Variants in CNTN5 observed in about 807,000 individuals in gnomAD.
CNTN5 encodes the protein contactin-5.
Under a neutral mutation model 129.1 loss-of-function variants are expected in CNTN5, and 77 were observed. The ratio of observed to expected loss-of-function variants is 0.60; its 90% CI spans 0.50 to 0.72. The LOEUF is 0.72. CNTN5 is among the 30% of genes least tolerant of loss of function. CNTN5 has a pLI of 0.00. For synonymous variants in CNTN5, 509 were observed against 465.6 expected (o/e 1.09, Z -1.20); for missense variants, 1,478 against 1,328.8 (o/e 1.11, Z -1.75).
chr11:99,530,181 C>T (rs997280321), intron 2 of CNTN5, among the ~76,000 whole-genome samples: 13 of 152,166 alleles, frequency 8.5e-5, no homozygotes, highest in African/African-American at 2.7e-4. Flanking sequence ...TCAGTATGAT[C>T]TTCAGATACC....
At chr11:99,785,649 C>A (rs1945493619) in intron 3 of CNTN5, among the ~76,000 whole-genome samples, 1 of 152,080 alleles carries the variant, frequency 6.6e-6, no homozygotes, top group African/African-American at 2.4e-5. Context: ...TATCCACCAC[C>A]ACCTTATCAA....
At position 100,299,074 on chromosome 11, in the gene CNTN5, T is replaced by A; in HGVS notation, c.2386-88T>A. The A allele has an allele frequency of 1.0e-5, 8 of 789,862 alleles. No individual in the cohort carries two copies. In the South Asian group the frequency reaches 1.6e-4, roughly 16 times the overall value. The allele number at this position is 789,862 out of a possible 1,614,324, so 48.9% of individuals were successfully genotyped here. The stretch of plus-strand genomic sequence containing the variant: ...TTGAGATTCTCCCTTTCTCTAGCTA[T>A]CTATAATTTTTTTTAATTAAGAATT... On this transcript the variant is annotated intron_variant, in intron 19 of 24. Transcript: ENST00000524871.
At chr11:99,214,440 T>C (rs1860016085) in intron 1 of CNTN5, among the ~76,000 whole-genome samples, 1 of 147,298 alleles carries the variant, frequency 6.8e-6, no homozygotes, top group Admixed American at 6.8e-5. Flanking sequence ...TATAGTATAA[T>C]GGAGTTTTTA....
chr11:99,951,310 T>A (rs557219818), intron 7 of CNTN5, among the ~76,000 whole-genome samples: 139 of 151,870 alleles, frequency 9.2e-4, no homozygotes, highest in African/African-American at 3.3e-3. Context: ...CACGGTAAAC[T>A]CTTATGCTAA....
intron 9 of CNTN5, among the ~76,000 whole-genome samples, chr11:100,047,214 G>A (rs1565824767): frequency 6.6e-6 from 1 of 151,218 alleles, no homozygotes; most frequent in Admixed American, 6.6e-5. Context: ...GAACTGGGTT[G>A]GGAAATCTTC....
intron 23 of CNTN5, among the ~76,000 whole-genome samples, chr11:100,346,233 A>G (rs1373109697): frequency 6.6e-6 from 1 of 152,156 alleles, no homozygotes; most frequent in Non-Finnish European, 1.5e-5. Flanking sequence ...GTCTCTATCT[A>G]GAATCCTTAC....
chr11:99,204,439 A>G (rs984169976), intron 1 of CNTN5, among the ~76,000 whole-genome samples: 1 of 152,190 alleles, frequency 6.6e-6, no homozygotes, highest in Non-Finnish European at 1.5e-5. Flanking sequence ...AACAGTTACA[A>G]GTCTTCATGT....
intron 15 of CNTN5, among the ~76,000 whole-genome samples, chr11:100,220,585 A>C (rs1263812000): frequency 1.3e-5 from 2 of 152,188 alleles, no homozygotes; most frequent in Admixed American, 1.3e-4. Flanking sequence ...TAAGAGAGTG[A>C]ATACCAATTT....
chr11:99,076,851 A>T (rs1356774242), intron 1 of CNTN5, among the ~76,000 whole-genome samples: 1 of 152,188 alleles, frequency 6.6e-6, no homozygotes, highest in Non-Finnish European at 1.5e-5. Flanking sequence ...ATCAGGGAAA[A>T]TAGTTCTGTA....
chr11:99,513,674 A>C (rs1946929807), intron 2 of CNTN5, among the ~76,000 whole-genome samples: 1 of 152,012 alleles, frequency 6.6e-6, no homozygotes, highest in Non-Finnish European at 1.5e-5. Flanking sequence ...GACAGTTCAC[A>C]TGTTTACAGT....
intron 1 of CNTN5, among the ~76,000 whole-genome samples, chr11:99,164,197 C>T (rs2135522201): frequency 6.6e-6 from 1 of 151,624 alleles, no homozygotes; most frequent in African/African-American, 2.4e-5. Flanking sequence ...ATGGTGGCAC[C>T]TGTCTGTAAT....
At chr11:99,533,736 G>A (rs1947799458) in intron 2 of CNTN5, among the ~76,000 whole-genome samples, 1 of 152,188 alleles carries the variant, frequency 6.6e-6, no homozygotes, top group Non-Finnish European at 1.5e-5. Context: ...AATATGTGTG[G>A]TAGACATTGC....
intron 2 of CNTN5, among the ~76,000 whole-genome samples, chr11:99,425,297 A>G (rs1943069609): frequency 6.6e-6 from 1 of 152,200 alleles, no homozygotes; most frequent in Admixed American, 6.5e-5. Context: ...CCCGGCCCTC[A>G]GGCTTCAGGC....
chr11:99,562,770 A>G (rs1322309795), intron 3 of CNTN5, among the ~76,000 whole-genome samples: 11 of 152,322 alleles, frequency 7.2e-5, no homozygotes, highest in African/African-American at 2.6e-4. Context: ...TTATAGGTGT[A>G]GATGATCTTG....
chr11:99,257,561 AAG>A (rs1243041321), intron 1 of CNTN5, among the ~76,000 whole-genome samples: 2 of 152,072 alleles, frequency 1.3e-5, no homozygotes, highest in African/African-American at 4.8e-5. Context: ...TAATGAAAAA[AAG>A]GTGTAATTTT....
intron 3 of CNTN5, among the ~76,000 whole-genome samples, chr11:99,658,749 G>A (rs1047628292): frequency 1.0e-4 from 15 of 149,422 alleles, no homozygotes; most frequent in South Asian, 4.2e-4. Flanking sequence ...TTAGCCAGGC[G>A]CGGTGGCACA....
At chr11:99,612,181 T>C (rs1289376385) in intron 3 of CNTN5, among the ~76,000 whole-genome samples, 1 of 152,176 alleles carries the variant, frequency 6.6e-6, no homozygotes, top group African/African-American at 2.4e-5. Context: ...CTCATAATTG[T>C]TCAACGGAAT....
intron 7 of CNTN5, among the ~76,000 whole-genome samples, chr11:99,918,392 C>G (rs868775354): frequency 2.0e-5 from 3 of 152,214 alleles, no homozygotes; most frequent in Middle Eastern, 3.4e-3. Flanking sequence ...AGACTGCTGT[C>G]AATTTAAAAT....
intron 8 of CNTN5, 45 bp downstream of exon 8, chr11:99,957,054 G>A (rs1347568092): frequency 6.6e-7 from 1 of 1,524,156 alleles, no homozygotes; most frequent in Non-Finnish European, 9.0e-7. Flanking sequence ...CTCTAATTTG[G>A]AAAATAAAGA....
Sources: gnomAD v4.1 joint callset for allele counts (sites outside exome capture counted in the v4.1 genomes callset) on GRCh38, gnomAD v4.1.1 for gene constraint, MANE v1.5 for transcripts, NCBI Gene and HGNC (gene_info 2026-07-23, HGNC 2026-07-21) for gene names.